The following GFRA1 variants were observed in gnomAD, a reference collection of about 807,000 sequenced individuals.
GFRA1 encodes GDNF family receptor alpha 1, also known as GDNF family receptor alpha-1.
A neutral mutation model predicts 51.6 loss-of-function variants in GFRA1; 16 were observed. That is an observed-to-expected ratio of 0.31 (90% CI 0.21 to 0.47). The LOEUF (loss-of-function observed/expected upper bound fraction) is 0.47. Ranked by LOEUF, GFRA1 falls within the 20% of genes least tolerant of loss-of-function variation. GFRA1 has a pLI of 1.00. For missense variants in GFRA1, 530 were observed against 594.3 expected (o/e 0.89, Z 1.13); for synonymous variants, 270 against 241.3 (o/e 1.12, Z -1.10).
chr10:116,257,939 T>C (rs1031839505), intron 4 of GFRA1, among the ~76,000 whole-genome samples: 8 of 152,156 alleles, frequency 5.3e-5, no homozygotes, highest in Admixed American at 5.2e-4. Context: ...CTGTTGCCTC[T>C]GCCTGGAATG....
intron 4 of GFRA1, among the ~76,000 whole-genome samples, chr10:116,254,566 G>A (rs751901293): frequency 4.4e-4 from 67 of 151,958 alleles, no homozygotes; most frequent in Non-Finnish European, 7.4e-5. Flanking sequence ...ACTGATGGGA[G>A]GCCAGCAGAC....
At chr10:116,096,875 G>T in intron 6 of GFRA1, 111 bp from the exon 7 acceptor site, 1 of 473,652 alleles carries the variant, frequency 2.1e-6, no homozygotes, top group Non-Finnish European at 3.8e-6. Context: ...TTCTGCACAC[G>T]CACACGCACA....
At chr10:116,156,728 T>G (rs1381331808) in intron 5 of GFRA1, among the ~76,000 whole-genome samples, 2 of 152,198 alleles carry the variant, frequency 1.3e-5, no homozygotes, top group Non-Finnish European at 2.9e-5. Context: ...AATGGAAAGG[T>G]TAAGTTGATA....
At chr10:116,198,262 C>T (rs867654571) in intron 5 of GFRA1, among the ~76,000 whole-genome samples, 6 of 152,138 alleles carry the variant, frequency 3.9e-5, no homozygotes, top group African/African-American at 9.7e-5. Flanking sequence ...CAAACCTCCA[C>T]GCTGGCCTAA....
intron 9 of GFRA1, among the ~76,000 whole-genome samples, chr10:116,067,144 T>C (rs952009874): frequency 4.6e-5 from 7 of 152,064 alleles, no homozygotes; most frequent in African/African-American, 1.2e-4. Flanking sequence ...AGAGGGGAAA[T>C]TGGAAGAGGA....
chr10:116,099,841 C>T (rs1956747644), intron 6 of GFRA1, among the ~76,000 whole-genome samples: 1 of 152,222 alleles, frequency 6.6e-6, no homozygotes, highest in African/African-American at 2.4e-5. Context: ...TAAAACAATA[C>T]CTAGCATGAA....
chr10:116,263,598 C>T (rs1429728267), intron 4 of GFRA1, among the ~76,000 whole-genome samples: 1 of 152,182 alleles, frequency 6.6e-6, no homozygotes. Flanking sequence ...AGCTGCTCAA[C>T]CTGTCTTGTC....
chr10:116,162,784 T>C (rs182916793), intron 5 of GFRA1, among the ~76,000 whole-genome samples: 10 of 152,236 alleles, frequency 6.6e-5, no homozygotes, highest in Admixed American at 6.5e-4. Flanking sequence ...GGTATGTAGA[T>C]GATATCTCAG....
intron 8 of GFRA1, among the ~76,000 whole-genome samples, chr10:116,090,700 G>C (rs1310877218): frequency 6.6e-6 from 1 of 151,942 alleles, no homozygotes; most frequent in Admixed American, 6.6e-5. Context: ...TTTCTAATCA[G>C]GTCTTCGGGG....
chr10:116,271,240 G>T, intron 2 of GFRA1, 125 bp from the exon 3 acceptor site: 2 of 714,876 alleles, frequency 2.8e-6, no homozygotes, highest in Non-Finnish European at 4.5e-6. Flanking sequence ...CCTGCTCTGG[G>T]AGCGGGTCCA....
intron 6 of GFRA1, among the ~76,000 whole-genome samples, chr10:116,119,344 A>T: frequency 6.6e-6 from 1 of 152,188 alleles, no homozygotes; most frequent in East Asian, 1.9e-4. Flanking sequence ...CAGGTGGGGC[A>T]TATTAAAAAC....
At chr10:116,144,721 G>A (rs1958720107) in intron 5 of GFRA1, among the ~76,000 whole-genome samples, 1 of 152,104 alleles carries the variant, frequency 6.6e-6, no homozygotes, top group African/African-American at 2.4e-5. Context: ...AAATTAAAAT[G>A]TGAAAAACAA....
At chr10:116,243,281 G>A (rs1967551839) in intron 4 of GFRA1, among the ~76,000 whole-genome samples, 1 of 152,144 alleles carries the variant, frequency 6.6e-6, no homozygotes. Context: ...ATGAAGTGGG[G>A]AGGGAGGATG....
At chr10:116,114,458 T>A (rs1957332252) in intron 6 of GFRA1, among the ~76,000 whole-genome samples, 1 of 152,248 alleles carries the variant, frequency 6.6e-6, no homozygotes, top group African/African-American at 2.4e-5. Context: ...AGAGGATGAC[T>A]ATCAAGCTTA....
At chr10:116,151,522 G>T (rs1197240154) in intron 5 of GFRA1, among the ~76,000 whole-genome samples, 1 of 152,110 alleles carries the variant, frequency 6.6e-6, no homozygotes, top group Non-Finnish European at 1.5e-5. Context: ...TTTAGTCATT[G>T]GATAAAATGG....
chr10:116,068,495 G>A (rs2133781727), intron 9 of GFRA1, among the ~76,000 whole-genome samples: 1 of 152,314 alleles, frequency 6.6e-6, no homozygotes, highest in African/African-American at 2.4e-5. Flanking sequence ...GACATCATCA[G>A]GCTGGGAGTC....
At chr10:116,130,425 A>C (rs1958058530) in intron 5 of GFRA1, among the ~76,000 whole-genome samples, 1 of 152,128 alleles carries the variant, frequency 6.6e-6, no homozygotes, top group Non-Finnish European at 1.5e-5. Flanking sequence ...GCTTATATGG[A>C]AACGCAAAGG....
At chr10:116,223,467 C>A (rs1415480696) in intron 4 of GFRA1, among the ~76,000 whole-genome samples, 1 of 152,218 alleles carries the variant, frequency 6.6e-6, no homozygotes, top group Non-Finnish European at 1.5e-5. Flanking sequence ...TAGAGTCACC[C>A]ACTTACAGGC....
Position 116,208,978 on chromosome 10 carries a change from T to A in GFRA1, c.433+2653A>T, listed in dbSNP as rs144314536. 3.3e-3 allele frequency among the ~76,000 whole-genome samples: 507 copies of A among 152,306 alleles called. 4 individuals carry two copies. The highest frequency in any genetic ancestry group is 0.012 in the African/African-American group (490 of 41,568). ...CAATGTCTCTGTGGACAACAGGGAA[T>A]GTAGGTCAATTAAGGCTCCTTGAAA... On this transcript the variant is annotated intron_variant, in intron 5 of 10. Transcript: ENST00000355422.
Sources: allele counts gnomAD v4.1 joint callset (sites outside exome capture counted in the v4.1 genomes callset), GRCh38; gene constraint gnomAD v4.1.1; transcripts MANE v1.5; gene names NCBI Gene and HGNC (gene_info 2026-07-23, HGNC 2026-07-21).